The following EXOC5 variants were observed in gnomAD, a reference collection of about 807,000 sequenced individuals.
EXOC5 encodes exocyst complex component 5.
EXOC5 carries 17 observed loss-of-function variants against 90.8 expected under a neutral mutation model. The ratio of observed to expected loss-of-function variants is 0.19; its 90% CI spans 0.13 to 0.28. EXOC5 has a LOEUF of 0.28. Among genes scored for constraint, EXOC5 ranks in the 10% least tolerant of loss-of-function variants. The probability of loss-of-function intolerance (pLI) is 1.00; values close to 1 mark genes in which losing one functional copy is unlikely to be tolerated. For missense variants in EXOC5, 569 were observed against 830.6 expected (o/e 0.69, Z 3.87); for synonymous variants, 260 against 270.0 (o/e 0.96, Z 0.36).
Position 57,239,664 on chromosome 14 carries a change from G to A in EXOC5, c.466-5C>T, listed in dbSNP as rs1484048257. On this transcript the variant is annotated splice_polypyrimidine_tract_variant and splice_region_variant and intron_variant, in intron 4 of 17. Transcript: ENST00000621441. ...GATGTCTGCTGCTTCCTTTATCTAT[G>A]AAAAAATAAATAAAAGCAATAATTT... The A allele has an allele frequency of 1.3e-6, 2 of 1,499,696 alleles. No individual in the cohort carries two copies. Among genetic ancestry groups the A allele is most frequent in the Non-Finnish European group, 1.8e-6 (2 of 1,119,770 alleles). 92.9% of individuals were successfully genotyped at this position (1,499,696 alleles called of 1,614,324 possible).
intron 1 of EXOC5, chr14:57,268,374 C>T: frequency 1.9e-6 from 2 of 1,067,302 alleles, no homozygotes; most frequent in Non-Finnish European, 2.6e-6. Context: ...AGCAACCCTC[C>T]TCCCTTGGGA....
chr14:57,267,613 T>C (rs1487150714), intron 1 of EXOC5, among the ~76,000 whole-genome samples: 5 of 152,204 alleles, frequency 3.3e-5, no homozygotes, highest in African/African-American at 1.2e-4. Flanking sequence ...GGTCTTTCTT[T>C]CCTTTTTCTT....
intron 7 of EXOC5, among the ~76,000 whole-genome samples, chr14:57,234,531 G>GTGTGTGTATATATATATATA (rs1363046152): frequency 2.0e-5 from 3 of 147,320 alleles, no homozygotes; most frequent in Non-Finnish European, 1.5e-5. Flanking sequence ...GTGTGTGTGT[G>GTGTGTGTATATATATATATA]TGTGTGTATA....
chr14:57,218,453 T>C (rs1443575495), intron 14 of EXOC5, among the ~76,000 whole-genome samples: 3 of 152,052 alleles, frequency 2.0e-5, no homozygotes. Flanking sequence ...ACCAGAGTTT[T>C]AAGAATACAG....
At chr14:57,234,854 TG>T (rs1883611225) in intron 7 of EXOC5, among the ~76,000 whole-genome samples, 2 of 152,110 alleles carry the variant, frequency 1.3e-5, no homozygotes, top group African/African-American at 4.8e-5. Context: ...AGTGAGCCAT[TG>T]CGCCTGGCCT....
chr14:57,265,379 A>C (rs1162142003), intron 1 of EXOC5, among the ~76,000 whole-genome samples: 1 of 152,180 alleles, frequency 6.6e-6, no homozygotes, highest in Admixed American at 6.5e-5. Flanking sequence ...AAATGAGGAA[A>C]GAATGTCCTC....
At chr14:57,259,919 C>T (rs1884451038) in intron 1 of EXOC5, among the ~76,000 whole-genome samples, 1 of 152,122 alleles carries the variant, frequency 6.6e-6, no homozygotes, top group South Asian at 2.1e-4. Context: ...ATGGCTGAAA[C>T]CCCTGCAGAG....
intron 1 of EXOC5, among the ~76,000 whole-genome samples, chr14:57,265,356 G>T (rs1358121686): frequency 6.6e-6 from 1 of 152,080 alleles, no homozygotes; most frequent in African/African-American, 2.4e-5. Context: ...AATTATGGGG[G>T]AAAAAATTAA....
At chr14:57,221,326 A>G (rs1347030855) in intron 13 of EXOC5, among the ~76,000 whole-genome samples, 2 of 152,244 alleles carry the variant, frequency 1.3e-5, no homozygotes, top group Non-Finnish European at 2.9e-5. Context: ...ATACCAGGCC[A>G]GATAAAAAGT....
At chr14:57,240,960 C>T (rs1883841200) in intron 4 of EXOC5, among the ~76,000 whole-genome samples, 1 of 152,122 alleles carries the variant, frequency 6.6e-6, no homozygotes, top group African/African-American at 2.4e-5. Flanking sequence ...TCAAGCAATG[C>T]TCATGCCTCA....
chr14:57,218,385 G>T (rs1883032016), intron 14 of EXOC5, among the ~76,000 whole-genome samples: 1 of 151,872 alleles, frequency 6.6e-6, no homozygotes, highest in Non-Finnish European at 1.5e-5. Context: ...GGAATTATTT[G>T]GTTTTCTTTA....
intron 15 of EXOC5, among the ~76,000 whole-genome samples, chr14:57,214,735 T>G (rs190613434): frequency 6.6e-6 from 1 of 152,292 alleles, no homozygotes; most frequent in Admixed American, 6.5e-5. Flanking sequence ...CAGTTGTGAT[T>G]GAAGGAAATG....
Position 57,241,345 on chromosome 14 carries a change from T to G in EXOC5, c.466-1686A>C, listed in dbSNP as rs72720613. Among the ~76,000 whole-genome samples, 646 of 152,330 alleles carry G rather than the reference T, an allele frequency of 4.2e-3. 20 individuals carry two copies. Among genetic ancestry groups the G allele is most frequent in the Non-Finnish European group, 2.3e-3 (155 of 68,022 alleles). ...AACACTCACTCTGTCCTGTTGTATA[T>G]GGGCACAAATATCACTGCAGTATCT... On this transcript the variant is annotated intron_variant, in intron 4 of 17. Transcript: ENST00000621441.
intron 12 of EXOC5, among the ~76,000 whole-genome samples, chr14:57,228,212 G>C (rs1223685929): frequency 1.3e-5 from 2 of 152,142 alleles, no homozygotes; most frequent in Non-Finnish European, 2.9e-5. Context: ...AACAAATGCT[G>C]GAGAGGATGT....
Position 57,204,204 on chromosome 14 carries a change from T to TGCCC in EXOC5, c.*4404_*4405insGGGC, listed in dbSNP as rs1566721517. ...AAATACCTCGGGTCTAGTTCAAAAA[T>TGCCC]AGGAATTTTGTTAAGCCCAGGGGCA... On this transcript the variant is annotated 3_prime_UTR_variant, in exon 18 of 18. Transcript: ENST00000621441. 1 of 152,126 alleles carries TGCCC rather than the reference T, an allele frequency of 6.6e-6. No individual in the cohort carries two copies. The highest frequency in any genetic ancestry group is 2.4e-5 in the African/African-American group (1 of 41,422). The allele number at this position is 152,126 out of a possible 1,614,324, so 9.4% of individuals were successfully genotyped here. A position where few individuals can be genotyped will look rare whatever the true frequency, so the allele number is the denominator to read the frequency against.
rs1426196425 is a variant in EXOC5 at position 57,222,395 on chromosome 14, G to T, written c.1318C>A (p.Pro440Thr). The T allele has an allele frequency of 5.6e-6, 9 of 1,595,498 alleles. No homozygotes were observed. The South Asian group carries it at 9.1e-5, about 16-fold the overall frequency. The change falls in exon 13 of 18, where the codon CCA becomes ACA. Residue 440 changes from proline to threonine, a missense_variant. Transcript: ENST00000621441. ...CHRLSDPSDL[P>T]RNAFRIFTIL... ...GTAAAAATTCTGAAGGCATTCCTTG[G>T]TAAGTCAGAAGGATCAGAGAGCTTA...
chr14:57,268,369 C>T (rs1884756924), intron 1 of EXOC5: 2 of 1,016,736 alleles, frequency 2.0e-6, no homozygotes, highest in Non-Finnish European at 2.8e-6. Flanking sequence ...ACAAAAGCAA[C>T]CCTCCTCCCT....
chr14:57,228,705 G>A (rs1461066887), intron 12 of EXOC5, among the ~76,000 whole-genome samples: 3 of 151,704 alleles, frequency 2.0e-5, no homozygotes, highest in South Asian at 2.1e-4. Flanking sequence ...GGGCCTGTTG[G>A]GGGGGTGGGG....
intron 3 of EXOC5, among the ~76,000 whole-genome samples, 181 bp from the exon 4 acceptor site, chr14:57,244,540 C>A (rs772961891): frequency 1.3e-4 from 19 of 151,926 alleles, no homozygotes; most frequent in Non-Finnish European, 2.6e-4. Flanking sequence ...AACTTTTATA[C>A]CATTAACTAT....
Sources: allele counts gnomAD v4.1 joint callset (sites outside exome capture counted in the v4.1 genomes callset), GRCh38; gene constraint gnomAD v4.1.1; transcripts MANE v1.5; gene names NCBI Gene and HGNC (gene_info 2026-07-23, HGNC 2026-07-21).